Variants in ARHGAP8 observed in about 807,000 individuals in gnomAD.
The protein encoded by ARHGAP8 is Rho GTPase activating protein 8.
A neutral mutation model predicts 46.1 loss-of-function variants in ARHGAP8; 62 were observed. The observed-to-expected ratio is 1.34, with a 90% CI of 1.10 to 1.66. The LOEUF is 1.66. Ranked by LOEUF, ARHGAP8 falls within the 40% of genes most tolerant of loss-of-function variation. ARHGAP8 has a pLI of 0.00. For missense variants in ARHGAP8, 923 were observed against 568.4 expected (o/e 1.62, Z -6.34); for synonymous variants, 375 against 243.1 (o/e 1.54, Z -5.05).
intron 4 of ARHGAP8, among the ~76,000 whole-genome samples, chr22:44,813,212 CAG>C (rs1330788628): frequency 3.0e-4 from 46 of 151,988 alleles, no homozygotes; most frequent in Admixed American, 3.0e-3. Context: ...TTTCAGTGGA[CAG>C]AGTTAGGGTA....
At chr22:44,767,691 C>G (rs5765967) in intron 1 of ARHGAP8, among the ~76,000 whole-genome samples, 135,850 of 151,526 alleles carry the variant, frequency 0.9, 61,101 homozygotes, top group African/African-American at 0.96. Flanking sequence ...TGGCCAACAT[C>G]GTGAAACCGC....
intron 1 of ARHGAP8, among the ~76,000 whole-genome samples, chr22:44,785,675 T>C (rs1927166535): frequency 6.6e-6 from 1 of 152,218 alleles, no homozygotes; most frequent in Admixed American, 6.5e-5. Context: ...ATCCTACATC[T>C]GCTCTAACCT....
chr22:44,858,818 A>T (rs545370053), intron 10 of ARHGAP8, among the ~76,000 whole-genome samples: 2 of 151,010 alleles, frequency 1.3e-5, no homozygotes, highest in South Asian at 2.1e-4. Flanking sequence ...AGTGTGGGCG[A>T]TTTGTGGTGC....
At position 44,824,378 on chromosome 22, in the gene ARHGAP8, G is replaced by A. The variant is rs540282528; in HGVS notation, c.486-1105G>A. On this transcript the variant is annotated intron_variant, in intron 6 of 11. Transcript: ENST00000356099. ...AGCTCACACGTGCTTGGCTGGCCAG[G>A]CTCAGTCCAGTGCACCACCTTCTCC... is the stretch of plus-strand genomic sequence containing the variant. Among the ~76,000 whole-genome samples the A allele has an allele frequency of 2.6e-5, 4 of 152,140 alleles. No homozygotes were observed. The South Asian group carries it at 8.3e-4, about 32-fold the overall frequency.
At chr22:44,833,883 G>GT (rs1931119025) in intron 7 of ARHGAP8, among the ~76,000 whole-genome samples, 1 of 152,014 alleles carries the variant, frequency 6.6e-6, no homozygotes, top group Non-Finnish European at 1.5e-5. Flanking sequence ...CATTTTGATT[G>GT]TTTGTGTCTT....
intron 10 of ARHGAP8, among the ~76,000 whole-genome samples, chr22:44,855,111 T>C (rs1029101538): frequency 1.3e-5 from 2 of 152,156 alleles, no homozygotes; most frequent in African/African-American, 2.4e-5. Flanking sequence ...TGAATAGAAC[T>C]CCTTTAAGGG....
In ARHGAP8 at chr22:44,862,487, G is replaced by A. The variant is rs777443018; in HGVS notation, c.1194G>A (p.Gly398=). The part of the protein sequence containing the change: ...GEHGLAPWEQ[G]SRAAPLQEAV... ...ACGGCCTGGCACCATGGGAACAGGG[G>A]AGCAGGGCAGCCCCTTTGCAGGAGG... The change falls in exon 12 of 12, where the codon GGG becomes GGA. Residue 398 remains glycine, a synonymous_variant. Transcript: ENST00000356099. 15 of 1,613,122 alleles carry A rather than the reference G, an allele frequency of 9.3e-6. No homozygotes were observed. The highest frequency in any genetic ancestry group is 1.3e-5 in the African/African-American group (1 of 74,764).
intron 2 of ARHGAP8, among the ~76,000 whole-genome samples, chr22:44,787,166 G>C (rs1445501475): frequency 6.6e-6 from 1 of 152,140 alleles, no homozygotes; most frequent in Non-Finnish European, 1.5e-5. Flanking sequence ...GCAGTGTCCT[G>C]CTAGGCTTTA....
At chr22:44,818,450 CAAAA>C (rs749292883) in intron 5 of ARHGAP8, among the ~76,000 whole-genome samples, 8 of 125,426 alleles carry the variant, frequency 6.4e-5, no homozygotes, top group South Asian at 2.6e-4. Flanking sequence ...ACTCCAGTCT[CAAAA>C]AAAAAAAAAA....
In ARHGAP8 at chr22:44,808,629, G is replaced by T. The variant is rs113189180; in HGVS notation, c.299+191G>T. Reference sequence around the variant, plus strand: ...GCCAAGCTCTGGAATCCCGGGCAGGGGTTGGCACTCATTTTTTTTTTTCTT... The same window carrying T: ...GCCAAGCTCTGGAATCCCGGGCAGGTGTTGGCACTCATTTTTTTTTTTCTT... On this transcript the variant is annotated intron_variant, in intron 4 of 11. Coordinates refer to ENST00000356099, the MANE Select transcript of ARHGAP8 (RefSeq NM_181335.3). The T allele has an allele frequency of 5.5e-4, 603 of 1,102,540 alleles. 3 individuals carry two copies. In the African/African-American group the frequency reaches 7.4e-3, roughly 14 times the overall value. 68.3% of individuals were successfully genotyped at this position (1,102,540 alleles called of 1,614,324 possible).
intron 1 of ARHGAP8, among the ~76,000 whole-genome samples, chr22:44,779,112 T>C (rs374479543): frequency 0.094 from 14,108 of 150,238 alleles, 1,765 homozygotes; most frequent in African/African-American, 0.29. Context: ...TTTTTTTTTT[T>C]TTTTTGAGAC....
chr22:44,778,825 G>GC (rs1926610333), intron 1 of ARHGAP8, among the ~76,000 whole-genome samples: 2 of 152,024 alleles, frequency 1.3e-5, no homozygotes, highest in African/African-American at 4.8e-5. Flanking sequence ...ATTCATTTCT[G>GC]CCCCCAGTTC....
At chr22:44,784,150 T>C (rs868497117) in intron 1 of ARHGAP8, among the ~76,000 whole-genome samples, 55 of 152,162 alleles carry the variant, frequency 3.6e-4, no homozygotes, top group African/African-American at 1.3e-3. Context: ...ACACCTGTAA[T>C]CCCAGCACTT....
At position 44,786,548 on chromosome 22, in the gene ARHGAP8, G is replaced by T. The variant is rs78416612; in HGVS notation, c.21G>T (p.Ala7=). Residue 7 remains alanine (A), a synonymous_variant, in exon 2 of 12, where the codon GCG becomes GCT. Transcript: ENST00000356099. MAGQDP[A]LSTSHPFYDV... ...TGCCCATGGCTGGCCAGGATCCTGC[G>T]CTGAGCACGAGTCACCCGTTCTACG... is the stretch of plus-strand genomic sequence containing the variant. The T allele has an allele frequency of 1.9e-6, 3 of 1,613,268 alleles. No individual in the cohort carries two copies. The highest frequency in any genetic ancestry group is 3.3e-4 in the Middle Eastern group (2 of 6,026).
At chr22:44,754,411 A>G (rs1016838536) in intron 1 of ARHGAP8, among the ~76,000 whole-genome samples, 1 of 151,158 alleles carries the variant, frequency 6.6e-6, no homozygotes, top group Non-Finnish European at 1.5e-5. Context: ...GCTGGAGTGC[A>G]ATGGCACGAT....
Position 44,795,763 on chromosome 22 carries a change from C to T in ARHGAP8, c.80-6314C>T, listed in dbSNP as rs994645467. ...GGCTTCTCTTTCTTGGACACCAGGT[C>T]TGAGCCATGTTCTCCCACCAGGCCT... On this transcript the variant is annotated intron_variant, in intron 2 of 11. Transcript: ENST00000356099. Among the ~76,000 whole-genome samples the T allele has an allele frequency of 8.5e-5, 13 of 152,284 alleles. No homozygotes were observed. In the East Asian group the frequency reaches 1.5e-3, roughly 18 times the overall value.
At chr22:44,806,970 AAAAG>A (rs1420671684) in intron 3 of ARHGAP8, among the ~76,000 whole-genome samples, 31 of 151,754 alleles carry the variant, frequency 2.0e-4, no homozygotes, top group East Asian at 1.5e-3. Context: ...AAAAAAAAAA[AAAAG>A]AAATCAAACG....
intron 10 of ARHGAP8, among the ~76,000 whole-genome samples, chr22:44,855,120 G>A (rs1463349494): frequency 3.3e-5 from 5 of 152,046 alleles, no homozygotes; most frequent in Non-Finnish European, 5.9e-5. Context: ...CTCCTTTAAG[G>A]GATTTTATAA....
chr22:44,788,046 G>T (rs947827691), intron 2 of ARHGAP8, among the ~76,000 whole-genome samples: 2 of 149,368 alleles, frequency 1.3e-5, no homozygotes, highest in African/African-American at 4.9e-5. Flanking sequence ...CAGAAGGAAG[G>T]CAGGAAATAT....
Sources: gnomAD v4.1 joint callset for allele counts (sites outside exome capture counted in the v4.1 genomes callset) on GRCh38, gnomAD v4.1.1 for gene constraint, MANE v1.5 for transcripts, NCBI Gene and HGNC (gene_info 2026-07-23, HGNC 2026-07-21) for gene names.